GALNTL6: variants seen among roughly 807,000 people sequenced by gnomAD.
GALNTL6 encodes polypeptide N-acetylgalactosaminyltransferase-like 6.
Under a neutral mutation model 73.7 loss-of-function variants are expected in GALNTL6, and 46 were observed. The observed-to-expected ratio is 0.62, with a 90% confidence interval of 0.49 to 0.80. The LOEUF (loss-of-function observed/expected upper bound fraction) is 0.80. Among genes scored for constraint, GALNTL6 ranks in the 30% least tolerant of loss-of-function variants. The pLI, the probability that GALNTL6 is intolerant of heterozygous loss-of-function variation, is 0.00. For missense variants in GALNTL6, 604 were observed against 755.0 expected (o/e 0.80, Z 2.34); for synonymous variants, 259 against 263.7 (o/e 0.98, Z 0.17).
intron 5 of GALNTL6, among the ~76,000 whole-genome samples, chr4:172,464,238 A>G (rs992791171): frequency 1.3e-5 from 2 of 152,164 alleles, no homozygotes; most frequent in Non-Finnish European, 2.9e-5. Flanking sequence ...TAGACAATAC[A>G]ATAAATAGTA....
chr4:172,969,484 T>C (rs142930705), intron 10 of GALNTL6, among the ~76,000 whole-genome samples: 28 of 152,284 alleles, frequency 1.8e-4, no homozygotes, highest in African/African-American at 6.7e-4. Flanking sequence ...AAAAGGACCA[T>C]CTGGGAAATC....
chr4:172,487,435 G>C (rs768763246), intron 5 of GALNTL6, among the ~76,000 whole-genome samples: 1 of 149,254 alleles, frequency 6.7e-6, no homozygotes, highest in Non-Finnish European at 1.5e-5. Flanking sequence ...GCCCAGGCTG[G>C]AGTACAGTGG....
intron 2 of GALNTL6, among the ~76,000 whole-genome samples, chr4:172,177,954 A>G (rs996265342): frequency 1.3e-5 from 2 of 151,596 alleles, no homozygotes; most frequent in African/African-American, 4.8e-5. Flanking sequence ...CTTTGAAGCC[A>G]TCGTGAATAT....
chr4:172,374,654 A>T (rs1039798298), intron 5 of GALNTL6, among the ~76,000 whole-genome samples: 2 of 152,178 alleles, frequency 1.3e-5, no homozygotes, highest in African/African-American at 4.8e-5. Flanking sequence ...ATCTGAGTCG[A>T]GGTCTTAGTG....
chr4:172,565,795 T>G (rs1736532958), intron 5 of GALNTL6, among the ~76,000 whole-genome samples: 1 of 152,210 alleles, frequency 6.6e-6, no homozygotes, highest in South Asian at 2.1e-4. Flanking sequence ...ATTATTGGCT[T>G]GCTTATACTC....
chr4:172,579,316 T>C (rs762562515), intron 5 of GALNTL6, among the ~76,000 whole-genome samples: 1 of 152,220 alleles, frequency 6.6e-6, no homozygotes, highest in African/African-American at 2.4e-5. Context: ...TTGCCCTGCA[T>C]TTCTAGTGAT....
intron 2 of GALNTL6, among the ~76,000 whole-genome samples, chr4:171,942,391 G>C (rs888177173): frequency 6.6e-6 from 1 of 151,980 alleles, no homozygotes; most frequent in Non-Finnish European, 1.5e-5. Context: ...ATGATGTTTT[G>C]TATTTTCTTA....
chr4:172,152,290 A>G (rs569011232), intron 2 of GALNTL6, among the ~76,000 whole-genome samples: 43 of 152,186 alleles, frequency 2.8e-4, no homozygotes, highest in African/African-American at 1.0e-3. Context: ...CATTTCCTAT[A>G]TTTTTTAATT....
chr4:172,508,872 T>C lies in GALNTL6; in HGVS notation c.553+160183T>C, dbSNP rs1579138822. Among the ~76,000 whole-genome samples the C allele has an allele frequency of 1.3e-4, 6 of 44,994 alleles. 3 individuals carry two copies. The South Asian group carries it at 0.014, about 101-fold the overall frequency. 29.5% of individuals were successfully genotyped at this position (44,994 alleles called of 152,430 possible). ...TGAATTGTGCTGCTATAAACATGTG[T>C]GTGTGTCTTTTTTGTATAATGACTT... On this transcript the variant is annotated intron_variant, in intron 5 of 12. Transcript: ENST00000506823.
At chr4:172,416,218 A>G (rs1027301974) in intron 5 of GALNTL6, among the ~76,000 whole-genome samples, 1 of 152,202 alleles carries the variant, frequency 6.6e-6, no homozygotes, top group African/African-American at 2.4e-5. Context: ...AAATAACCTT[A>G]TTAGTATAGG....
At chr4:172,729,888 G>C (rs952549660) in intron 5 of GALNTL6, among the ~76,000 whole-genome samples, 1 of 151,734 alleles carries the variant, frequency 6.6e-6, no homozygotes. Flanking sequence ...TGTTTTTTTG[G>C]TGTCCTCTTC....
intron 12 of GALNTL6, among the ~76,000 whole-genome samples, chr4:173,036,388 T>G (rs73872315): frequency 0.018 from 2,802 of 152,134 alleles, 92 homozygotes; most frequent in African/African-American, 0.064. Context: ...AACCCATGAG[T>G]GCCACAAAGT....
At chr4:172,661,297 G>A (rs116778259) in intron 5 of GALNTL6, among the ~76,000 whole-genome samples, 112 of 152,248 alleles carry the variant, frequency 7.4e-4, no homozygotes, top group African/African-American at 2.2e-3. Flanking sequence ...GACTCAAACT[G>A]CAACTCACCC....
At chr4:172,063,685 A>G (rs1002801149) in intron 2 of GALNTL6, among the ~76,000 whole-genome samples, 1 of 152,102 alleles carries the variant, frequency 6.6e-6, no homozygotes, top group South Asian at 2.1e-4. Flanking sequence ...ACAATCCATA[A>G]AGCCCTTTAG....
rs954900344 is a variant in GALNTL6 at position 172,487,479 on chromosome 4, C to T, written c.553+138790C>T. Among the ~76,000 whole-genome samples the T allele has an allele frequency of 1.6e-4, 24 of 151,708 alleles. No homozygotes were observed. In the East Asian group the frequency reaches 1.9e-3, roughly 12 times the overall value. ...TGGCTCACTGCCTACCTCCACCACC[C>T]GGGTTCAAGCGATTCTCTTGCCTTA... On this transcript the variant is annotated intron_variant, in intron 5 of 12. Coordinates refer to ENST00000506823, the MANE Select transcript of GALNTL6 (RefSeq NM_001034845.3).
At chr4:171,990,377 A>T (rs2110735816) in intron 2 of GALNTL6, among the ~76,000 whole-genome samples, 1 of 151,952 alleles carries the variant, frequency 6.6e-6, no homozygotes, top group Non-Finnish European at 1.5e-5. Flanking sequence ...CAAGAGAAAG[A>T]AATTGGGTAG....
chr4:171,952,942 A>G (rs985645322), intron 2 of GALNTL6, among the ~76,000 whole-genome samples: 1 of 152,206 alleles, frequency 6.6e-6, no homozygotes, highest in South Asian at 2.1e-4. Context: ...TGCTAGAATT[A>G]ATAACATCAT....
chr4:172,216,986 G>A (rs887343125), intron 2 of GALNTL6, among the ~76,000 whole-genome samples: 46 of 152,124 alleles, frequency 3.0e-4, no homozygotes, highest in African/African-American at 9.4e-4. Flanking sequence ...AATTGGTTGA[G>A]TTTGTCTAAA....
chr4:172,612,809 C>T (rs1186352111), intron 5 of GALNTL6, among the ~76,000 whole-genome samples: 1 of 152,098 alleles, frequency 6.6e-6, no homozygotes, highest in African/African-American at 2.4e-5. Flanking sequence ...TCCTGATCTA[C>T]TTCAGTGCTT....
Sources: allele counts gnomAD v4.1 joint callset (sites outside exome capture counted in the v4.1 genomes callset), GRCh38; gene constraint gnomAD v4.1.1; transcripts MANE v1.5; gene names NCBI Gene and HGNC (gene_info 2026-07-23, HGNC 2026-07-21).